The following NSD2 variants were observed in gnomAD, a reference collection of about 807,000 sequenced individuals.
NSD2 encodes the protein nuclear receptor binding SET domain protein 2, also known as histone-lysine N-methyltransferase NSD2.
In NSD2, 12 loss-of-function variants were observed where a neutral mutation model predicts 139.0. The observed-to-expected ratio is 0.09, with a 90% confidence interval of 0.06 to 0.14. NSD2 has a LOEUF of 0.14. Ranked by LOEUF, NSD2 falls within the 10% of genes least tolerant of loss-of-function variation. The pLI is 1.00. For synonymous variants in NSD2, 669 were observed against 648.7 expected (o/e 1.03, Z -0.48); for missense variants, 1,155 against 1,745.0 (o/e 0.66, Z 6.02).
At chr4:1,967,824 G>C (rs1726044268) in intron 18 of NSD2, among the ~76,000 whole-genome samples, 1 of 152,190 alleles carries the variant, frequency 6.6e-6, no homozygotes, top group Non-Finnish European at 1.5e-5. Flanking sequence ...TGGTCAACAG[G>C]CAGCAGGTGG....
In NSD2 at chr4:1,951,057, C is replaced by A; in HGVS notation, c.1882-15C>A. 1 of 1,613,804 alleles carries A rather than the reference C, an allele frequency of 6.2e-7. No homozygotes were observed. The highest frequency in any genetic ancestry group is 1.1e-5 in the South Asian group (1 of 91,076). On this transcript the variant is annotated splice_polypyrimidine_tract_variant and intron_variant, in intron 9 of 21. Coordinates refer to ENST00000508803, the MANE Select transcript of NSD2 (RefSeq NM_001042424.3). The stretch of plus-strand genomic sequence containing the variant: ...CTGCGACTAGTGAACTGTCATCCGC[C>A]TCCTTCATCTCTAGGTCTCGGACAG...
At chr4:1,880,718 A>G (rs180908892) in intron 1 of NSD2, among the ~76,000 whole-genome samples, 30 of 152,338 alleles carry the variant, frequency 2.0e-4, no homozygotes, top group African/African-American at 7.0e-4. Context: ...GCCATTGGCA[A>G]CACTGAGAAA....
chr4:1,955,660 G>A lies in NSD2; in HGVS notation c.2519-33G>A, dbSNP rs1485658288. On this transcript the variant is annotated intron_variant, in intron 13 of 21. Coordinates refer to ENST00000508803, the MANE Select transcript of NSD2 (RefSeq NM_001042424.3). The surrounding 1 kb of genome is among the most constrained non-coding windows in gnomAD (Gnocchi z 4.7). ...ATCTGGGCTGAGCCATAGCAGACAG[G>A]CTAAGCCTGGCCGCCTCGCCCTCCT... The A allele has an allele frequency of 6.3e-7, 1 of 1,594,742 alleles. No individual in the cohort carries two copies. Among genetic ancestry groups the A allele is most frequent in the Non-Finnish European group, 8.5e-7 (1 of 1,170,040 alleles).
chr4:1,961,013 G>A (rs540070253), intron 17 of NSD2, 22 bp from the exon 18 acceptor site: 1 of 1,602,858 alleles, frequency 6.2e-7, no homozygotes, highest in South Asian at 1.1e-5. Flanking sequence ...TTTTGTCATG[G>A]CCACATGCTT....
At chr4:1,951,443 T>TACACAC (rs71167763) in intron 10 of NSD2, among the ~76,000 whole-genome samples, 42 of 101,062 alleles carry the variant, frequency 4.2e-4, no homozygotes, top group African/African-American at 9.9e-4. Flanking sequence ...CATCATGTAA[T>TACACAC]ACACACACAC....
intron 6 of NSD2, 141 bp downstream of exon 6, chr4:1,930,911 T>C: frequency 9.5e-7 from 1 of 1,052,788 alleles, no homozygotes; most frequent in East Asian, 2.6e-5. Context: ...GCGGTCCAAG[T>C]GCGTGTGGTC....
chr4:1,976,314 G>T lies in NSD2; in HGVS notation c.3622-161G>T. The T allele has an allele frequency of 1.4e-6, 1 of 727,690 alleles. No individual in the cohort carries two copies. The highest frequency in any genetic ancestry group is 2.3e-6 in the Non-Finnish European group (1 of 438,038). The allele number at this position is 727,690 out of a possible 1,614,324, so 45.1% of individuals were successfully genotyped here. A position where few individuals can be genotyped will look rare whatever the true frequency, so the allele number is the denominator to read the frequency against. ...TCACGCTGAGTCGAGTGAGTCTAAGGATGTCTGGGGAGCACGAGGAGGACA... is the reference window on the plus strand; with the variant it reads ...TCACGCTGAGTCGAGTGAGTCTAAGTATGTCTGGGGAGCACGAGGAGGACA... On this transcript the variant is annotated intron_variant, in intron 20 of 21. Coordinates refer to ENST00000508803, the MANE Select transcript of NSD2 (RefSeq NM_001042424.3). The surrounding 1 kb of genome is among the most constrained non-coding windows in gnomAD (Gnocchi z 5.3).
Position 1,935,275 on chromosome 4 carries a change from C to T in NSD2, c.1674+13C>T, listed in dbSNP as rs761884031. 1.2e-6 allele frequency: 2 copies of T among 1,605,246 alleles called. No individual in the cohort carries two copies. Among genetic ancestry groups the T allele is most frequent in the Non-Finnish European group, 1.7e-6 (2 of 1,173,534 alleles). On this transcript the variant is annotated intron_variant, in intron 7 of 21. Transcript: ENST00000508803. ...CAGTCTTCGGAAGGTAATTGTGTTC[C>T]AGGTTTGCTTGACCTGTCAGAGTGT... is the stretch of plus-strand genomic sequence containing the variant.
chr4:1,979,805 T>C lies in NSD2; in HGVS notation c.*896T>C, dbSNP rs764327216. ...ACCTATTTCACAAATCACCACCGAC[T>C]GAAGTGTGTGTTTACTGATGCGGCC... On this transcript the variant is annotated 3_prime_UTR_variant, in exon 22 of 22. Transcript: ENST00000508803. The C allele has an allele frequency of 8.6e-6, 2 of 232,398 alleles. No individual in the cohort carries two copies. Among genetic ancestry groups the C allele is most frequent in the Non-Finnish European group, 1.7e-5 (2 of 117,590 alleles). The allele number at this position is 232,398 out of a possible 1,614,324, so 14.4% of individuals were successfully genotyped here. A position where few individuals can be genotyped will look rare whatever the true frequency, so the allele number is the denominator to read the frequency against.
At chr4:1,873,655 AAAAGT>A (rs1460412725) in intron 1 of NSD2, among the ~76,000 whole-genome samples, 1 of 152,226 alleles carries the variant, frequency 6.6e-6, no homozygotes, top group African/African-American at 2.4e-5. Context: ...TTCTCCTTCT[AAAAGT>A]AATCAAATCT....
chr4:1,898,300 T>A (rs1314145465), intron 1 of NSD2, among the ~76,000 whole-genome samples: 1 of 152,178 alleles, frequency 6.6e-6, no homozygotes, highest in Non-Finnish European at 1.5e-5. Flanking sequence ...TTGCCCAAGC[T>A]GGTCTTGAAT....
chr4:1,898,980 G>A (rs768215604), intron 1 of NSD2, among the ~76,000 whole-genome samples: 47 of 152,130 alleles, frequency 3.1e-4, no homozygotes, highest in South Asian at 8.3e-4. Flanking sequence ...GTTCCTTCAG[G>A]AGGTGGTTTT....
intron 1 of NSD2, among the ~76,000 whole-genome samples, chr4:1,882,638 T>C (rs1201231682): frequency 6.6e-6 from 1 of 152,078 alleles, no homozygotes; most frequent in Non-Finnish European, 1.5e-5. Context: ...CACTCCAGCT[T>C]GGGCGACAGA....
intron 6 of NSD2, among the ~76,000 whole-genome samples, chr4:1,932,263 C>A (rs1398720702): frequency 6.6e-6 from 1 of 151,580 alleles, no homozygotes; most frequent in Admixed American, 6.6e-5. Flanking sequence ...ATGGTGAAAC[C>A]CCATCTCTAC....
At chr4:1,941,541 A>C in intron 9 of NSD2, 1 of 1,041,708 alleles carries the variant, frequency 9.6e-7, no homozygotes, top group Non-Finnish European at 1.2e-6. Context: ...TTTTATCATC[A>C]TTAGACTTAA....
At position 1,900,908 on chromosome 4, in the gene NSD2, G is replaced by A. The variant is rs759803629; in HGVS notation, c.254G>A (p.Arg85Gln). The change falls in exon 2 of 22, where the codon CGG (arginine) becomes CAG (glutamine). Residue 85 changes from arginine (R) to glutamine (Q), a missense_variant. Arg to Gln is a conservative substitution (Grantham distance 43). This residue lies in a region of NSD2 where 246 missense variants were observed against 262.8 expected (regional missense o/e 0.94). Coordinates refer to ENST00000508803, the MANE Select transcript of NSD2 (RefSeq NM_001042424.3). ...PADKLKDLTS[R>Q]VFNGEPGAHD... ...GACAAGCTGAAAGATCTTACTTCCC[G>A]GGTGTTTAATGGAGAACCCGGCGCA... is the stretch of plus-strand genomic sequence containing the variant. 5.0e-6 allele frequency: 8 copies of A among 1,613,782 alleles called. No homozygotes were observed. The highest frequency in any genetic ancestry group is 2.7e-5 in the African/African-American group (2 of 75,010).
In NSD2 at chr4:1,953,331, C is replaced by T. The variant is rs776865727; in HGVS notation, c.2145C>T (p.His715=). ...FTCSECASGI[H]SCFVCKESKT... ...TCTTTAACTTTTTGTTAGGGATTCA[C>T]TCATGTTTCGTGTGTAAAGAGAGCA... Residue 715 remains histidine, a synonymous_variant, in exon 12 of 22, where the codon CAC becomes CAT. Transcript: ENST00000508803. 4 of 1,614,236 alleles carry T rather than the reference C, an allele frequency of 2.5e-6. No homozygotes were observed. The highest frequency in any genetic ancestry group is 4.5e-5 in the East Asian group (2 of 44,888).
chr4:1,933,224 T>C (rs1335539498), intron 6 of NSD2, among the ~76,000 whole-genome samples: 1 of 152,192 alleles, frequency 6.6e-6, no homozygotes, highest in Non-Finnish European at 1.5e-5. Flanking sequence ...GAGGTGAGGC[T>C]CTGTGAATGC....
chr4:1,953,520 A>G lies in NSD2; in HGVS notation c.2334A>G (p.Ser778=), dbSNP rs147143904. 8.6e-5 allele frequency: 139 copies of G among 1,608,682 alleles called. 1 individual carries two copies. In the African/African-American group the frequency reaches 1.0e-3, roughly 12 times the overall value. ...HASNPSNPRP[S]KGKMMRCVRC... ...CCAACCCTTCAAACCCAAGGCCGTC[A>G]AAAGGTACAGGTGCACCTGCGCAGC... Residue 778 remains serine, a synonymous_variant, in exon 12 of 22, where the codon TCA becomes TCG. Transcript: ENST00000508803.
Sources: allele counts gnomAD v4.1 joint callset (sites outside exome capture counted in the v4.1 genomes callset), GRCh38; gene constraint gnomAD v4.1.1; regional missense constraint gnomAD v4.1.1; non-coding constraint Gnocchi (gnomAD v3.1); transcripts MANE v1.5; gene names NCBI Gene and HGNC (gene_info 2026-07-23, HGNC 2026-07-21).